The following PIEZO2 variants were observed in gnomAD, a reference collection of about 807,000 sequenced individuals.
The protein encoded by PIEZO2 is piezo type mechanosensitive ion channel component 2.
PIEZO2 carries 172 observed loss-of-function variants against 337.3 expected under a neutral mutation model. The observed-to-expected ratio is 0.51, with a 90% CI of 0.45 to 0.58. PIEZO2 has a LOEUF of 0.58. PIEZO2 is among the 20% of genes least tolerant of loss of function. The pLI is 0.00. For synonymous variants in PIEZO2, 1,251 were observed against 1,228.5 expected (o/e 1.02, Z -0.38); for missense variants, 3,028 against 3,391.3 (o/e 0.89, Z 2.66).
intron 4 of PIEZO2, among the ~76,000 whole-genome samples, chr18:10,904,293 A>G (rs573517804): frequency 1.3e-5 from 2 of 152,366 alleles, no homozygotes; most frequent in South Asian, 4.1e-4. Context: ...ATGAATGAAT[A>G]GAAGGTAGAG....
Position 10,785,451 on chromosome 18 carries a change from G to A in PIEZO2, c.2319-494C>T, listed in dbSNP as rs980587844. On this transcript the variant is annotated intron_variant, in intron 16 of 55. Transcript: ENST00000674853. Reference sequence around the variant, plus strand: ...CGCAGGCTCCTCCTGTAAGATTCTCGTGCCCAAATTGCTACTGGAAATTGG... The same window carrying A: ...CGCAGGCTCCTCCTGTAAGATTCTCATGCCCAAATTGCTACTGGAAATTGG... Among the ~76,000 whole-genome samples, 3 of 152,086 alleles carry A rather than the reference G, an allele frequency of 2.0e-5. No homozygotes were observed. In the East Asian group the frequency reaches 5.8e-4, roughly 29 times the overall value.
In PIEZO2 at chr18:10,713,469, A is replaced by G. The variant is rs1345927045; in HGVS notation, c.5423+1295T>C. Among the ~76,000 whole-genome samples the G allele has an allele frequency of 1.3e-5, 2 of 152,152 alleles. No individual in the cohort carries two copies. Among genetic ancestry groups the G allele is most frequent in the Non-Finnish European group, 2.9e-5 (2 of 68,030 alleles). On this transcript the variant is annotated intron_variant, in intron 39 of 55. Transcript: ENST00000674853. The surrounding 1 kb of genome is among the most constrained non-coding windows in gnomAD (Gnocchi z 4.5). ...TCCGTCTCCTATTTCATCTGGAAAT[A>G]TATCCAGCATTTGTGAAGGACAAAT...
chr18:10,995,204 A>G (rs1346797521), intron 2 of PIEZO2, among the ~76,000 whole-genome samples: 2 of 150,646 alleles, frequency 1.3e-5, no homozygotes, highest in African/African-American at 2.4e-5. Context: ...TGTGATTTTG[A>G]TTTGCATTTC....
rs2038007081 is a variant in PIEZO2 at position 10,759,002 on chromosome 18, G to C, written c.3757+480C>G. Among the ~76,000 whole-genome samples, 1 of 152,170 alleles carries C rather than the reference G, an allele frequency of 6.6e-6. No homozygotes were observed. The highest frequency in any genetic ancestry group is 2.1e-4 in the South Asian group (1 of 4,836). On this transcript the variant is annotated intron_variant, in intron 26 of 55. Coordinates refer to ENST00000674853, the MANE Select transcript of PIEZO2 (RefSeq NM_001378183.1). The surrounding 1 kb of genome is among the most constrained non-coding windows in gnomAD (Gnocchi z 5.5). Reference sequence around the variant, plus strand: ...ACTCTGGTCTTGGAGGAGCTGCTCTGACCTTTGGATCACCAGCTGCCATGG... The same window carrying C: ...ACTCTGGTCTTGGAGGAGCTGCTCTCACCTTTGGATCACCAGCTGCCATGG...
intron 4 of PIEZO2, among the ~76,000 whole-genome samples, chr18:10,886,501 C>CTATGTATATATATATATAT (rs1568165954): frequency 1.7e-4 from 2 of 11,824 alleles, no homozygotes; most frequent in Admixed American, 9.2e-4. Flanking sequence ...TATATATACG[C>CTATGTATATATATATATAT]ATATACACAT....
Position 11,080,197 on chromosome 18 carries a change from A to AAGG in PIEZO2, c.65-13978_65-13976dup, listed in dbSNP as rs376691830. 1.8e-3 allele frequency among the ~76,000 whole-genome samples: 276 copies of AAGG among 152,156 alleles called. 2 individuals are homozygous for AAGG. The highest frequency in any genetic ancestry group is 3.4e-3 in the Middle Eastern group (1 of 294). ...CAGTAGTTGCTTCTAAGAAGAACTG[A>AAGG]AGGGAAAACTATGGCTTTTTATCTT... is the stretch of plus-strand genomic sequence containing the variant. On this transcript the variant is annotated intron_variant, in intron 1 of 55. Coordinates refer to ENST00000674853, the MANE Select transcript of PIEZO2 (RefSeq NM_001378183.1). This position sits in a 1 kb window ranked among gnomAD's most constrained non-coding sequence, Gnocchi z 5.4.
At chr18:10,698,875 A>C in intron 44 of PIEZO2, 50 bp downstream of exon 44, 1 of 1,528,022 alleles carries the variant, frequency 6.5e-7, no homozygotes. Context: ...CAGAAAAACA[A>C]GGCCACCTGG....
At position 11,120,614 on chromosome 18, in the gene PIEZO2, T is replaced by A. The variant is rs1041738772; in HGVS notation, c.64+27911A>T. ...GACTACTGAACAGCCTCTGATATGA[T>A]CCCAAAACCTTAAAAAGAAGAAAAT... On this transcript the variant is annotated intron_variant, in intron 1 of 55. Coordinates refer to ENST00000674853, the MANE Select transcript of PIEZO2 (RefSeq NM_001378183.1). Among the ~76,000 whole-genome samples the A allele has an allele frequency of 1.1e-4, 17 of 152,096 alleles. 1 individual carries two copies. Among genetic ancestry groups the A allele is most frequent in the Non-Finnish European group, 1.3e-4 (9 of 68,030 alleles).
At chr18:10,741,997 CA>C (rs60777999) in intron 32 of PIEZO2, among the ~76,000 whole-genome samples, 7 of 151,302 alleles carry the variant, frequency 4.6e-5, no homozygotes, top group East Asian at 1.9e-4. Context: ...ACTAAAAATA[CA>C]AAAAAAATTA....
At chr18:11,120,369 T>C (rs1225489991) in intron 1 of PIEZO2, among the ~76,000 whole-genome samples, 1 of 152,238 alleles carries the variant, frequency 6.6e-6, no homozygotes, top group Non-Finnish European at 1.5e-5. Context: ...TAGCTAAATT[T>C]TCTTTGGTGC....
chr18:10,785,971 T>C (rs1404384835), intron 16 of PIEZO2, among the ~76,000 whole-genome samples: 1 of 152,204 alleles, frequency 6.6e-6, no homozygotes, highest in Non-Finnish European at 1.5e-5. Flanking sequence ...ACCCCCTGTC[T>C]TCAGTTCCTC....
intron 51 of PIEZO2, among the ~76,000 whole-genome samples, chr18:10,681,162 A>G (rs1479743521): frequency 6.6e-6 from 1 of 152,224 alleles, no homozygotes; most frequent in African/African-American, 2.4e-5. Flanking sequence ...ATAAAATGAA[A>G]AGTAGAAGCT....
At chr18:10,886,398 A>G (rs1468007717) in intron 4 of PIEZO2, among the ~76,000 whole-genome samples, 1 of 54,464 alleles carries the variant, frequency 1.8e-5, no homozygotes, top group African/African-American at 1.3e-4. Flanking sequence ...ATATATATAT[A>G]TATATATATA....
intron 23 of PIEZO2, 77 bp downstream of exon 23, chr18:10,762,423 A>T (rs375403326): frequency 1.8e-5 from 26 of 1,470,030 alleles, no homozygotes; most frequent in East Asian, 9.9e-5. Context: ...ATGTGATGTT[A>T]AGCGTCTCAT....
chr18:11,136,722 C>T (rs1423320748), intron 1 of PIEZO2, among the ~76,000 whole-genome samples: 1 of 152,214 alleles, frequency 6.6e-6, no homozygotes, highest in Non-Finnish European at 1.5e-5. Context: ...GACAGCAACA[C>T]CTGCGTAGGG....
At chr18:11,065,808 G>A (rs924282605) in intron 2 of PIEZO2, among the ~76,000 whole-genome samples, 1 of 152,170 alleles carries the variant, frequency 6.6e-6, no homozygotes, top group Admixed American at 6.5e-5. Context: ...ATGTTGTCAT[G>A]CCATTTGTCT....
intron 14 of PIEZO2, among the ~76,000 whole-genome samples, chr18:10,790,025 A>T (rs1368350762): frequency 6.6e-6 from 1 of 152,232 alleles, no homozygotes; most frequent in Non-Finnish European, 1.5e-5. Context: ...TGAATAATTT[A>T]TTCAAACAAC....
At chr18:10,742,397 T>A (rs2037260244) in intron 32 of PIEZO2, 97 bp downstream of exon 32, 1 of 1,353,778 alleles carries the variant, frequency 7.4e-7, no homozygotes, top group African/African-American at 1.5e-5. Flanking sequence ...TCGATAATCT[T>A]GGCAGAATAA....
intron 7 of PIEZO2, among the ~76,000 whole-genome samples, chr18:10,843,058 A>C (rs1475471296): frequency 6.6e-6 from 1 of 152,236 alleles, no homozygotes; most frequent in Non-Finnish European, 1.5e-5. Context: ...CAACAATCCA[A>C]GTAGTTATGA....
Sources: gnomAD v4.1 joint callset for allele counts (sites outside exome capture counted in the v4.1 genomes callset) on GRCh38, gnomAD v4.1.1 for gene constraint, Gnocchi (gnomAD v3.1) non-coding constraint, MANE v1.5 for transcripts, NCBI Gene and HGNC (gene_info 2026-07-23, HGNC 2026-07-21) for gene names.